Variants in DCC observed in about 807,000 individuals in gnomAD.
DCC encodes the protein DCC netrin 1 receptor.
In DCC, 58 loss-of-function variants were observed where a neutral mutation model predicts 172.5. The observed-to-expected ratio is 0.34, with a 90% CI of 0.27 to 0.42. DCC has a LOEUF of 0.42. Ranked by LOEUF, DCC falls within the 10% of genes least tolerant of loss-of-function variation. The probability of loss-of-function intolerance (pLI) is 1.00; values close to 1 mark genes in which losing one functional copy is unlikely to be tolerated. For synonymous variants in DCC, 709 were observed against 644.5 expected (o/e 1.10, Z -1.52); for missense variants, 1,740 against 1,791.0 (o/e 0.97, Z 0.51).
chr18:53,323,453 G>A (rs1217378422), intron 14 of DCC, among the ~76,000 whole-genome samples: 1 of 152,200 alleles, frequency 6.6e-6, no homozygotes, highest in African/African-American at 2.4e-5. Context: ...GTCTTACTAA[G>A]CATCAGGCAC....
At chr18:53,303,177 C>A (rs2057160410) in intron 12 of DCC, among the ~76,000 whole-genome samples, 1 of 152,068 alleles carries the variant, frequency 6.6e-6, no homozygotes, top group Non-Finnish European at 1.5e-5. Context: ...AATTTATTCC[C>A]ACTGAATTTT....
chr18:52,940,493 G>A (rs772222971), intron 5 of DCC, among the ~76,000 whole-genome samples: 7 of 152,290 alleles, frequency 4.6e-5, no homozygotes, highest in South Asian at 4.2e-4. Context: ...TTCTATTTAC[G>A]CTGATTGGTA....
In DCC at chr18:53,207,749, T is replaced by A. The variant is rs1598907179; in HGVS notation, c.1793T>A (p.Phe598Tyr). 3.1e-6 allele frequency: 5 copies of A among 1,613,214 alleles called. No homozygotes were observed. In the East Asian group the frequency reaches 1.1e-4, roughly 36 times the overall value. ...LKKFTEYSLR[F>Y]LAYNRYGPGV... The stretch of plus-strand genomic sequence containing the variant: ...AAATTCACCGAATATAGTCTTCGAT[T>A]CTTAGCTTATAATCGCTATGGTCCG... The change falls in exon 11 of 29, where the codon TTC becomes TAC. Residue 598 changes from phenylalanine (F) to tyrosine (Y), a missense_variant. This residue lies in a region of DCC where 1,732 missense variants were observed against 1,767.4 expected (regional missense o/e 0.98). Coordinates refer to ENST00000442544, the MANE Select transcript of DCC (RefSeq NM_005215.4).
intron 1 of DCC, among the ~76,000 whole-genome samples, chr18:52,750,975 G>A (rs1271418305): frequency 1.3e-5 from 2 of 152,150 alleles, no homozygotes; most frequent in East Asian, 1.9e-4. Flanking sequence ...ACAAATAAAG[G>A]GCTCTTAAAG....
intron 15 of DCC, among the ~76,000 whole-genome samples, chr18:53,347,360 T>C (rs981947698): frequency 6.6e-6 from 1 of 152,180 alleles, no homozygotes; most frequent in African/African-American, 2.4e-5. Context: ...TTTGGGGGGA[T>C]TGTTTTGTAT....
At chr18:53,189,122 C>A (rs142160354) in intron 9 of DCC, among the ~76,000 whole-genome samples, 2 of 152,108 alleles carry the variant, frequency 1.3e-5, no homozygotes, top group African/African-American at 4.8e-5. Context: ...TGTTGGAGGA[C>A]TGAGCAAACT....
chr18:52,985,708 C>A (rs1484969360), intron 5 of DCC, among the ~76,000 whole-genome samples: 1 of 151,804 alleles, frequency 6.6e-6, no homozygotes, highest in Admixed American at 6.6e-5. Flanking sequence ...TAGATGTTGG[C>A]ATCCTGGATT....
chr18:52,695,573 C>A (rs961129090), intron 1 of DCC, among the ~76,000 whole-genome samples: 5 of 152,186 alleles, frequency 3.3e-5, no homozygotes, highest in African/African-American at 7.2e-5. Flanking sequence ...AAATCAGCAA[C>A]ATTCAAGTCA....
intron 1 of DCC, among the ~76,000 whole-genome samples, chr18:52,571,029 T>C (rs980480002): frequency 4.6e-5 from 7 of 152,208 alleles, no homozygotes; most frequent in African/African-American, 1.7e-4. Flanking sequence ...TGCACATTCT[T>C]TCCTTCTTTT....
intron 1 of DCC, among the ~76,000 whole-genome samples, chr18:52,494,264 ATGTGTG>A (rs10633986): frequency 5.3e-4 from 78 of 147,476 alleles, no homozygotes; most frequent in Admixed American, 1.3e-3. Context: ...ATGGTTTGTG[ATGTGTG>A]TGTGTGTGTG....
intron 1 of DCC, among the ~76,000 whole-genome samples, chr18:52,539,372 C>A (rs1201967073): frequency 6.6e-6 from 1 of 152,046 alleles, no homozygotes. Flanking sequence ...GTCCCCAAAC[C>A]CCCAGGCCGT....
intron 15 of DCC, among the ~76,000 whole-genome samples, chr18:53,364,505 G>C (rs2057980714): frequency 6.6e-6 from 1 of 151,864 alleles, no homozygotes; most frequent in East Asian, 1.9e-4. Flanking sequence ...TGAGTTTCTG[G>C]CACTATATTC....
At chr18:52,718,692 C>T (rs188306682) in intron 1 of DCC, among the ~76,000 whole-genome samples, 1 of 152,092 alleles carries the variant, frequency 6.6e-6, no homozygotes, top group South Asian at 2.1e-4. Context: ...ATCGCAGAGA[C>T]GTTGAACAAA....
At chr18:52,548,830 A>G (rs2032687217) in intron 1 of DCC, among the ~76,000 whole-genome samples, 1 of 152,162 alleles carries the variant, frequency 6.6e-6, no homozygotes, top group Admixed American at 6.6e-5. Flanking sequence ...AGTATTACCC[A>G]ATAAAGTATC....
At chr18:53,309,922 G>GTATATATATATATATA (rs5825006) in intron 13 of DCC, among the ~76,000 whole-genome samples, 2 of 123,510 alleles carry the variant, frequency 1.6e-5, no homozygotes, top group African/African-American at 6.7e-5. Context: ...ATATGTGCGT[G>GTATATATATATATATA]TATATATATA....
At chr18:53,069,440 G>A (rs543633365) in intron 7 of DCC, among the ~76,000 whole-genome samples, 98 of 152,244 alleles carry the variant, frequency 6.4e-4, no homozygotes, top group African/African-American at 2.2e-3. Context: ...TTTCCCAAGA[G>A]GTCCTGTCTG....
chr18:53,275,820 AT>A (rs1188221166), intron 12 of DCC, among the ~76,000 whole-genome samples: 1 of 152,120 alleles, frequency 6.6e-6, no homozygotes, highest in African/African-American at 2.4e-5. Flanking sequence ...ATTGACTATA[AT>A]TTTTTTAAAA....
intron 2 of DCC, among the ~76,000 whole-genome samples, chr18:52,902,220 A>C (rs935196891): frequency 5.9e-5 from 9 of 152,224 alleles, no homozygotes. Flanking sequence ...CATATTAAAC[A>C]AAAAACTCTT....
At chr18:53,129,065 T>G (rs1401713389) in intron 7 of DCC, among the ~76,000 whole-genome samples, 1 of 151,752 alleles carries the variant, frequency 6.6e-6, no homozygotes, top group African/African-American at 2.4e-5. Flanking sequence ...TTTTGTGTTT[T>G]TAGTGGAGAT....
Sources: gnomAD v4.1 joint callset for allele counts (sites outside exome capture counted in the v4.1 genomes callset) on GRCh38, gnomAD v4.1.1 for gene constraint, gnomAD v4.1.1 regional missense constraint, MANE v1.5 for transcripts, NCBI Gene and HGNC (gene_info 2026-07-23, HGNC 2026-07-21) for gene names.